Variants in JAK1 observed in about 807,000 individuals in gnomAD.
JAK1 encodes the protein tyrosine-protein kinase JAK1.
JAK1 carries 16 observed loss-of-function variants against 136.6 expected under a neutral mutation model. That is an observed-to-expected ratio of 0.12 (90% confidence interval 0.08 to 0.18). The LOEUF (loss-of-function observed/expected upper bound fraction) is 0.18. Ranked by LOEUF, JAK1 falls within the 10% of genes least tolerant of loss-of-function variation. JAK1 has a pLI of 1.00. For synonymous variants in JAK1, 492 were observed against 519.5 expected, an observed-to-expected ratio of 0.95 and a Z score of 0.72; for missense variants, 859 against 1,450.1, an observed-to-expected ratio of 0.59 and a Z score of 6.62.
rs35804980 is a variant in JAK1 at position 64,833,990 on chromosome 1, T to TTAAGTAAG, written c.*571_*572insCTTACTTA. On this transcript the variant is annotated 3_prime_UTR_variant, in exon 25 of 25. Transcript: ENST00000342505. ...AGCTAAGCCACTGGAGAAACAAAGT[T>TTAAGTAAG]TAAGTCCTACTGGTGAGAGAATACA... is the stretch of plus-strand genomic sequence containing the variant. 1 of 232,778 alleles carries TTAAGTAAG rather than the reference T, an allele frequency of 4.3e-6. No individual in the cohort carries two copies. Among genetic ancestry groups the TTAAGTAAG allele is most frequent in the African/African-American group, 2.2e-5 (1 of 45,324 alleles). The allele number at this position is 232,778 out of a possible 1,614,324, so 14.4% of individuals were successfully genotyped here.
intron 22 of JAK1, among the ~76,000 whole-genome samples, chr1:64,836,505 G>A (rs1485936204): frequency 6.6e-6 from 1 of 151,962 alleles, no homozygotes; most frequent in African/African-American, 2.4e-5. Context: ...GGGAGGAGGT[G>A]GCCGTGTAAT....
At position 64,837,965 on chromosome 1, in the gene JAK1, G is replaced by A. The variant is rs2100944083; in HGVS notation, c.3107C>T (p.Thr1036Ile). 6.2e-7 allele frequency: 1 copy of A among 1,614,114 alleles called. No individual in the cohort carries two copies. Among genetic ancestry groups the A allele is most frequent in the Non-Finnish European group, 8.5e-7 (1 of 1,179,988 alleles). ...KAIETDKEYYTVKDDRDSPVF... is the reference protein window; with the variant it reads ...KAIETDKEYYIVKDDRDSPVF... The stretch of plus-strand genomic sequence containing the variant: ...AGGGCTGTCCCGGTCATCCTTGACG[G>A]TGTAATACTCCTTATCGGTTTCAAT... The change falls in exon 22 of 25, where the codon ACC becomes ATC. Residue 1036 changes from threonine to isoleucine, a missense_variant. By Grantham distance (89) the Thr-to-Ile change is moderately conservative. Around this residue, in one of 4 missense-constraint regions of JAK1, gnomAD observed 44 missense variants for 137.6 expected, o/e 0.32. Transcript: ENST00000342505.
intron 2 of JAK1, chr1:64,986,171 TC>T: frequency 2.3e-6 from 1 of 439,930 alleles, no homozygotes; most frequent in Non-Finnish European, 4.1e-6. Flanking sequence ...AGTGGGGCGA[TC>T]TCAGCTCACT....
chr1:65,013,159 G>T (rs1030127859), intron 2 of JAK1, among the ~76,000 whole-genome samples: 2 of 150,134 alleles, frequency 1.3e-5, no homozygotes, highest in African/African-American at 4.9e-5. Flanking sequence ...ACTTTGGGAG[G>T]CTGAGGTGGG....
At chr1:65,057,808 T>C (rs973526290) in intron 1 of JAK1, 3 of 154,890 alleles carry the variant, frequency 1.9e-5, no homozygotes, top group Non-Finnish European at 4.4e-5. Context: ...TTACATTTTA[T>C]TTTCATGTAA....
Position 64,835,555 on chromosome 1 carries a change from A to T in JAK1, c.3259-49T>A, listed in dbSNP as rs2274945. On this transcript the variant is annotated intron_variant, in intron 23 of 24. Coordinates refer to ENST00000342505, the MANE Select transcript of JAK1 (RefSeq NM_002227.4). ...AACGTTTAACTTTGCAAGTATTTAC[A>T]TAAATGCCAAACAGATTAAGGTGAA... 7 of 1,099,736 alleles carry T rather than the reference A, an allele frequency of 6.4e-6. No individual in the cohort carries two copies. The South Asian group carries it at 9.6e-5, about 15-fold the overall frequency. 68.1% of individuals were successfully genotyped at this position (1,099,736 alleles called of 1,614,324 possible). A position where few individuals can be genotyped will look rare whatever the true frequency, so the allele number is the denominator to read the frequency against.
At chr1:64,952,555 A>G (rs1437748845) in intron 1 of JAK1, among the ~76,000 whole-genome samples, 1 of 152,220 alleles carries the variant, frequency 6.6e-6, no homozygotes, top group Non-Finnish European at 1.5e-5. Context: ...CCAAAACAAA[A>G]ACACTTTTTC....
Position 64,917,330 on chromosome 1 carries a change from G to A in JAK1, c.-77-30989C>T, listed in dbSNP as rs181539147. On this transcript the variant is annotated intron_variant, in intron 1 of 24. Coordinates refer to ENST00000342505, the MANE Select transcript of JAK1 (RefSeq NM_002227.4). ...AGTATGAAGGAAGAATCAAGATACA[G>A]TTAGACATCAAAGATCTCAAAAAAC... Among the ~76,000 whole-genome samples, 7 of 152,272 alleles carry A rather than the reference G, an allele frequency of 4.6e-5. No individual in the cohort carries two copies. In the East Asian group the frequency reaches 1.2e-3, roughly 25 times the overall value.
chr1:64,844,698 C>A lies in JAK1; in HGVS notation c.2251+56G>T. Reference sequence around the variant, plus strand: ...ACCAACCCCAGCCCAGCCCTTCTCTCTGCTGACTTGCCCCTGACTCGGGGT... The same window carrying A: ...ACCAACCCCAGCCCAGCCCTTCTCTATGCTGACTTGCCCCTGACTCGGGGT... On this transcript the variant is annotated intron_variant, in intron 16 of 24. Transcript: ENST00000342505. This position sits in a 1 kb window ranked among gnomAD's most constrained non-coding sequence, Gnocchi z 5.7. 1 of 1,609,504 alleles carries A rather than the reference C, an allele frequency of 6.2e-7. No homozygotes were observed. The highest frequency in any genetic ancestry group is 1.3e-5 in the African/African-American group (1 of 74,942).
At chr1:65,023,090 G>T (rs538208) in intron 2 of JAK1, 34,767 of 151,736 alleles carry the variant, frequency 0.23, 5,129 homozygotes, top group East Asian at 0.39. Flanking sequence ...TGATGTTAAG[G>T]TTCGGTTCAA....
At chr1:65,010,169 G>C (rs879345148) in intron 2 of JAK1, among the ~76,000 whole-genome samples, 3 of 152,038 alleles carry the variant, frequency 2.0e-5, no homozygotes, top group Non-Finnish European at 4.4e-5. Context: ...CCTCCCCTTG[G>C]GTATGGACTG....
intron 11 of JAK1, among the ~76,000 whole-genome samples, chr1:64,852,829 T>G (rs1157851982): frequency 6.6e-6 from 1 of 152,126 alleles, no homozygotes; most frequent in Non-Finnish European, 1.5e-5. Context: ...GTGCCCGGTA[T>G]GGAGTAAAAC....
intron 1 of JAK1, among the ~76,000 whole-genome samples, chr1:65,067,000 C>A (rs1436727834): frequency 2.0e-5 from 3 of 152,132 alleles, no homozygotes; most frequent in Non-Finnish European, 4.4e-5. Flanking sequence ...ACTGACACCC[C>A]AGCGAGGGCC....
intron 1 of JAK1, among the ~76,000 whole-genome samples, chr1:64,947,017 T>C (rs977606143): frequency 4.6e-5 from 7 of 152,046 alleles, no homozygotes; most frequent in Non-Finnish European, 5.9e-5. Context: ...GTCAAATCCA[T>C]AGATAGAAAA....
intron 2 of JAK1, among the ~76,000 whole-genome samples, chr1:64,980,019 A>G (rs1389683499): frequency 2.6e-5 from 4 of 152,182 alleles, no homozygotes; most frequent in African/African-American, 9.7e-5. Context: ...ACCATGTATA[A>G]TACAATATTT....
At chr1:65,040,908 G>A (rs1647126014) in intron 2 of JAK1, among the ~76,000 whole-genome samples, 1 of 152,152 alleles carries the variant, frequency 6.6e-6, no homozygotes, top group Non-Finnish European at 1.5e-5. Context: ...GGTAAAGGAA[G>A]CCCAGGAAGT....
chr1:64,977,699 G>T (rs1332692408), intron 2 of JAK1, among the ~76,000 whole-genome samples: 1 of 152,066 alleles, frequency 6.6e-6, no homozygotes, highest in African/African-American at 2.4e-5. Context: ...CCAAAGTGCT[G>T]GGATTACAGG....
intron 2 of JAK1, among the ~76,000 whole-genome samples, chr1:65,007,432 A>C (rs1646812459): frequency 6.6e-6 from 1 of 151,564 alleles, no homozygotes; most frequent in South Asian, 2.1e-4. Context: ...CCCTACTCTT[A>C]TTTCTTTCTT....
chr1:64,917,528 T>A (rs112138799), intron 1 of JAK1, among the ~76,000 whole-genome samples: 1 of 152,152 alleles, frequency 6.6e-6, no homozygotes, highest in Non-Finnish European at 1.5e-5. Context: ...GCAGGGCAAC[T>A]TGAGGGATAC....
Sources: gnomAD v4.1 joint callset for allele counts (sites outside exome capture counted in the v4.1 genomes callset) on GRCh38, gnomAD v4.1.1 for gene constraint, gnomAD v4.1.1 regional missense constraint, Gnocchi (gnomAD v3.1) non-coding constraint, MANE v1.5 for transcripts, NCBI Gene and HGNC (gene_info 2026-07-23, HGNC 2026-07-21) for gene names.